PPT1: variants seen among roughly 807,000 people sequenced by gnomAD.
PPT1 encodes ceroid-palmitoyl-palmitoyl-protein thioesterase 1.
A neutral mutation model predicts 44.0 loss-of-function variants in PPT1; 24 were observed. That is an observed-to-expected ratio of 0.54 (90% CI 0.39 to 0.77). PPT1 has a LOEUF of 0.77. Ranked by LOEUF, PPT1 falls within the 30% of genes least tolerant of loss-of-function variation. The pLI is 0.00. For synonymous variants in PPT1, 148 were observed against 140.2 expected (o/e 1.06, Z -0.39); for missense variants, 341 against 378.8 (o/e 0.90, Z 0.83).
chr1:40,075,750 G>A (rs1483359058), intron 8 of PPT1, among the ~76,000 whole-genome samples: 1 of 151,740 alleles, frequency 6.6e-6, no homozygotes, highest in Non-Finnish European at 1.5e-5. Context: ...GATCACCTGA[G>A]GTCAGGAGTT....
intron 4 of PPT1, among the ~76,000 whole-genome samples, chr1:40,090,165 G>A (rs144956854): frequency 3.0e-4 from 45 of 152,074 alleles, no homozygotes; most frequent in African/African-American, 1.1e-3. Flanking sequence ...AAGAGATTGG[G>A]TCTTGCTATG....
rs939550271 is a variant in PPT1 at position 40,072,860 on chromosome 1, A to G, written c.*1201T>C. The G allele has an allele frequency of 6.6e-6, 1 of 152,226 alleles. No homozygotes were observed. The highest frequency in any genetic ancestry group is 1.5e-5 in the Non-Finnish European group (1 of 68,032). The allele number at this position is 152,226 out of a possible 1,614,324, so 9.4% of individuals were successfully genotyped here. A position where few individuals can be genotyped will look rare whatever the true frequency, so the allele number is the denominator to read the frequency against. ...ATAATGGCTAAACTTAGCAGCACCA[A>G]CACGGTTCTTTCATCAAGGCGTAGC... On this transcript the variant is annotated 3_prime_UTR_variant, in exon 9 of 9. Coordinates refer to ENST00000642050, the MANE Select transcript of PPT1 (RefSeq NM_000310.4).
chr1:40,076,791 C>G, intron 8 of PPT1, 51 bp downstream of exon 8: 3 of 1,613,272 alleles, frequency 1.9e-6, no homozygotes, highest in Non-Finnish European at 2.5e-6. Context: ...GCTTCAGGAA[C>G]TGGGAGCTGA....
downstream of PPT1, chr1:40,071,952 G>C (rs975131447): frequency 7.3e-6 from 3 of 408,510 alleles, no homozygotes. Context: ...GCAGAAGCTG[G>C]TGTGTTTCCA....
intron 7 of PPT1, among the ~76,000 whole-genome samples, chr1:40,077,216 ATC>A (rs1447969514): frequency 1.3e-5 from 2 of 152,224 alleles, no homozygotes; most frequent in African/African-American, 4.8e-5. Context: ...TGAATACATA[ATC>A]TGTTTCCAAA....
rs1465314968 is a variant in PPT1 at position 40,081,826 on chromosome 1, GGAACTGGGTAACAGGCA to G, written c.537-1356_537-1340del. ...TTACCCAAAATGTGGAAGTGACTTT[GGAACTGGGTAACAGGCA>G]GAGGCTGGCACAGTTTGGAGGCCTC... is the stretch of plus-strand genomic sequence containing the variant. On this transcript the variant is annotated intron_variant, in intron 5 of 8. Coordinates refer to ENST00000642050, the MANE Select transcript of PPT1 (RefSeq NM_000310.4). Among the ~76,000 whole-genome samples, 108 of 152,270 alleles carry G rather than the reference GGAACTGGGTAACAGGCA, an allele frequency of 7.1e-4. 2 individuals are homozygous for G. Among genetic ancestry groups the G allele is most frequent in the African/African-American group, 2.2e-3 (91 of 41,542 alleles).
chr1:40,096,732 T>C (rs1649870805), intron 1 of PPT1: 2 of 258,848 alleles, frequency 7.7e-6, no homozygotes, highest in Admixed American at 5.1e-5. Context: ...TGTAGGTGCC[T>C]AACAAATCTC....
Position 40,094,869 on chromosome 1 carries a change from C to T in PPT1, c.124+2246G>A, listed in dbSNP as rs116928289. Among the ~76,000 whole-genome samples, 140 of 152,328 alleles carry T rather than the reference C, an allele frequency of 9.2e-4. 4 individuals are homozygous for T. In the East Asian group the frequency reaches 0.026, roughly 28 times the overall value. On this transcript the variant is annotated intron_variant, in intron 1 of 8. Coordinates refer to ENST00000642050, the MANE Select transcript of PPT1 (RefSeq NM_000310.4). ...TTAACTGCCTCTGCCTCCCCTGTAA[C>T]TGACTGTGAGCTCTGGGAAAACACA...
chr1:40,084,923 C>G (rs376857864), intron 5 of PPT1, among the ~76,000 whole-genome samples: 6 of 152,142 alleles, frequency 3.9e-5, no homozygotes, highest in African/African-American at 1.4e-4. Context: ...GGAAGATGTC[C>G]GTTGCCAAGC....
intron 5 of PPT1, among the ~76,000 whole-genome samples, chr1:40,086,251 T>C (rs1570463684): frequency 6.6e-6 from 1 of 152,108 alleles, no homozygotes; most frequent in East Asian, 1.9e-4. Context: ...GGGCAGGGGA[T>C]GGCAGGGAGC....
rs771214238 is a variant in PPT1, at chr1:40,089,492, A to C, written c.454T>G (p.Cys152Gly). Residue 152 changes from cysteine to glycine, a missense_variant, in exon 5 of 9, where the codon TGC becomes GGC. Cys to Gly is a radical substitution (Grantham distance 159, BLOSUM62 -3). Transcript: ENST00000642050. ...CAGATGTGAGAGCTCTCTCCTGGGCATCGAGGGAGTCCAAAAACACCTACA... is the reference window on the plus strand; with the variant it reads ...CAGATGTGAGAGCTCTCTCCTGGGCCTCGAGGGAGTCCAAAAACACCTACA... ...QHQGVFGLPR[C>G]PGESSHICDF... is the part of the protein sequence containing the mutation. 3 of 1,614,144 alleles carry C rather than the reference A, an allele frequency of 1.9e-6. No individual in the cohort carries two copies. The highest frequency in any genetic ancestry group is 3.3e-5 in the Admixed American group (2 of 60,014).
intron 6 of PPT1, 94 bp downstream of exon 6, chr1:40,080,303 G>T: frequency 1.5e-6 from 2 of 1,309,344 alleles, no homozygotes; most frequent in South Asian, 2.4e-5. Context: ...GTCTGCCCAG[G>T]ACAGTTTGGG....
At position 40,092,040 on chromosome 1, in the gene PPT1, C is replaced by A. The variant is rs796052924; in HGVS notation, c.362+5G>T. ...AGTGGTACAATATAACAAAAAGGAACGTACAGAAATTGGCCTCCCTGGGAG... is the reference window on the plus strand; with the variant it reads ...AGTGGTACAATATAACAAAAAGGAAAGTACAGAAATTGGCCTCCCTGGGAG... On this transcript the variant is annotated splice_donor_5th_base_variant and intron_variant, in intron 3 of 8. Coordinates refer to ENST00000642050, the MANE Select transcript of PPT1 (RefSeq NM_000310.4). 1 of 1,613,860 alleles carries A rather than the reference C, an allele frequency of 6.2e-7. No homozygotes were observed. Among genetic ancestry groups the A allele is most frequent in the Non-Finnish European group, 8.5e-7 (1 of 1,179,916 alleles).
intron 6 of PPT1, among the ~76,000 whole-genome samples, chr1:40,079,807 A>C (rs991501275): frequency 1.4e-4 from 22 of 152,244 alleles, no homozygotes; most frequent in Admixed American, 1.2e-3. Flanking sequence ...CATAGGTGAG[A>C]GGCTTCTAGT....
chr1:40,080,494 GA>G lies in PPT1; in HGVS notation c.537-8del, dbSNP rs760997725. The G allele has an allele frequency of 1.9e-5, 30 of 1,601,916 alleles. No individual in the cohort carries two copies. The highest frequency in any genetic ancestry group is 2.3e-5 in the East Asian group (1 of 44,390). On this transcript the variant is annotated splice_polypyrimidine_tract_variant and splice_region_variant and intron_variant, in intron 5 of 8. Coordinates refer to ENST00000642050, the MANE Select transcript of PPT1 (RefSeq NM_000310.4). ...GTATTCGGCTTGCACGAGGCTGTAGGAAAAAAAAAGAATGAGGTGATCAAGC... is the reference window on the plus strand; with the variant it reads ...GTATTCGGCTTGCACGAGGCTGTAGGAAAAAAAAGAATGAGGTGATCAAGC...
chr1:40,090,363 T>C (rs540852710), intron 4 of PPT1, among the ~76,000 whole-genome samples: 1 of 152,160 alleles, frequency 6.6e-6, no homozygotes, highest in Non-Finnish European at 1.5e-5. Context: ...TGTGTGTATA[T>C]ATGTGTATAT....
Position 40,081,644 on chromosome 1 carries a change from C to T in PPT1, c.537-1157G>A, listed in dbSNP as rs61781916. Among the ~76,000 whole-genome samples the T allele has an allele frequency of 3.9e-3, 588 of 152,304 alleles. 15 individuals carry two copies. The highest frequency in any genetic ancestry group is 0.035 in the East Asian group (181 of 5,188). ...CTACCGTCATGTGAGATGTGCCTTTCGCCTTCCGCCATGATTGTGAGGCTT... is the reference window on the plus strand; with the variant it reads ...CTACCGTCATGTGAGATGTGCCTTTTGCCTTCCGCCATGATTGTGAGGCTT... On this transcript the variant is annotated intron_variant, in intron 5 of 8. Coordinates refer to ENST00000642050, the MANE Select transcript of PPT1 (RefSeq NM_000310.4).
chr1:40,077,118 C>A (rs1648670985), intron 7 of PPT1, among the ~76,000 whole-genome samples: 2 of 152,242 alleles, frequency 1.3e-5, no homozygotes, highest in East Asian at 3.8e-4. Context: ...TGAGAGGCCG[C>A]TTTCCACTTC....
At chr1:40,090,996 A>G (rs1263633659) in intron 4 of PPT1, among the ~76,000 whole-genome samples, 1 of 152,252 alleles carries the variant, frequency 6.6e-6, no homozygotes, top group Non-Finnish European at 1.5e-5. Context: ...TAAATTCAAG[A>G]GGATACCACC....
Sources: gnomAD v4.1 joint callset for allele counts (sites outside exome capture counted in the v4.1 genomes callset) on GRCh38, gnomAD v4.1.1 for gene constraint, MANE v1.5 for transcripts, NCBI Gene and HGNC (gene_info 2026-07-23, HGNC 2026-07-21) for gene names.